The following VPS54 variants were observed in gnomAD, a reference collection of about 807,000 sequenced individuals.
The protein encoded by VPS54 is VPS54 subunit of GARP complex.
Under a neutral mutation model 121.5 loss-of-function variants are expected in VPS54, and 45 were observed. The observed-to-expected ratio is 0.37, with a 90% CI of 0.29 to 0.47. VPS54 has a LOEUF of 0.47. Among genes scored for constraint, VPS54 ranks in the 20% least tolerant of loss-of-function variants. The pLI is 0.99. For synonymous variants in VPS54, 371 were observed against 385.8 expected, an observed-to-expected ratio of 0.96 and a Z score of 0.45; for missense variants, 1,090 against 1,131.4, an observed-to-expected ratio of 0.96 and a Z score of 0.52.
intron 4 of VPS54, among the ~76,000 whole-genome samples, chr2:63,970,055 T>C (rs1676192263): frequency 6.6e-6 from 1 of 151,760 alleles, no homozygotes; most frequent in African/African-American, 2.4e-5. Flanking sequence ...AAAACCAATC[T>C]TTCTGCACTT....
At chr2:63,960,902 T>C (rs1402082496) in intron 7 of VPS54, among the ~76,000 whole-genome samples, 1 of 152,184 alleles carries the variant, frequency 6.6e-6, no homozygotes, top group Non-Finnish European at 1.5e-5. Flanking sequence ...TACAGGTATA[T>C]TTTTGTGGAA....
At chr2:63,987,032 T>C (rs534382992) in intron 1 of VPS54, among the ~76,000 whole-genome samples, 1 of 152,344 alleles carries the variant, frequency 6.6e-6, no homozygotes, top group Admixed American at 6.5e-5. Flanking sequence ...GTCTCCTCAC[T>C]TTGTTGTTTC....
At chr2:63,898,402 G>C (rs757071661) in intron 21 of VPS54, among the ~76,000 whole-genome samples, 1 of 152,146 alleles carries the variant, frequency 6.6e-6, no homozygotes, top group African/African-American at 2.4e-5. Context: ...CGTATTTTAC[G>C]GCTCCCCTTC....
intron 8 of VPS54, among the ~76,000 whole-genome samples, chr2:63,948,099 T>C (rs549516644): frequency 3.3e-5 from 5 of 152,052 alleles, no homozygotes; most frequent in African/African-American, 9.6e-5. Context: ...CTAAAGTGCT[T>C]GGATTATAGG....
rs186558459 is a variant in VPS54 at position 63,904,162 on chromosome 2, G to A, written c.2626-4581C>T. On this transcript the variant is annotated intron_variant, in intron 20 of 22. Coordinates refer to ENST00000272322, the MANE Select transcript of VPS54 (RefSeq NM_016516.3). ...AGCCATAAAAAGGATATCACAGGCCGGACGTGGTGGCTCACGCCTGTAATC... is the reference window on the plus strand; with the variant it reads ...AGCCATAAAAAGGATATCACAGGCCAGACGTGGTGGCTCACGCCTGTAATC... Among the ~76,000 whole-genome samples, 42 of 152,210 alleles carry A rather than the reference G, an allele frequency of 2.8e-4. No homozygotes were observed. In the East Asian group the frequency reaches 3.7e-3, roughly 13 times the overall value.
chr2:63,984,202 G>A (rs1346740375), intron 1 of VPS54, among the ~76,000 whole-genome samples, 183 bp from the exon 2 acceptor site: 1 of 152,092 alleles, frequency 6.6e-6, no homozygotes, highest in Non-Finnish European at 1.5e-5. Flanking sequence ...ATAGTTATTT[G>A]TCCCCATTTT....
intron 3 of VPS54, 42 bp downstream of exon 3, chr2:63,981,604 T>C (rs775070965): frequency 3.3e-6 from 5 of 1,511,854 alleles, no homozygotes; most frequent in Non-Finnish European, 3.5e-6. Flanking sequence ...AATATTTCTA[T>C]TACTTTTGAC....
At chr2:63,931,134 T>C (rs1674177811) in intron 12 of VPS54, among the ~76,000 whole-genome samples, 1 of 152,136 alleles carries the variant, frequency 6.6e-6, no homozygotes, top group African/African-American at 2.4e-5. Context: ...AAGCTACCAC[T>C]GACTTTCTTC....
intron 6 of VPS54, among the ~76,000 whole-genome samples, chr2:63,965,188 A>G (rs1382297449): frequency 6.6e-6 from 1 of 152,174 alleles, no homozygotes; most frequent in East Asian, 1.9e-4. Flanking sequence ...AAAATTAGCC[A>G]ATGTGGGGCT....
At chr2:63,996,158 C>T (rs181649410) in intron 1 of VPS54, among the ~76,000 whole-genome samples, 412 of 152,262 alleles carry the variant, frequency 2.7e-3, no homozygotes, top group African/African-American at 3.6e-3. Context: ...GGACCCTGAA[C>T]GGAGGGACCG....
intron 7 of VPS54, among the ~76,000 whole-genome samples, chr2:63,949,374 GAAC>G (rs1384571251): frequency 1.3e-5 from 2 of 152,024 alleles, no homozygotes; most frequent in African/African-American, 4.8e-5. Flanking sequence ...GTTGACCCTT[GAAC>G]AACATGGGGG....
rs1331965766 is a variant in VPS54 at position 63,962,285 on chromosome 2, C to A, written c.783G>T (p.Gln261His). 4 of 1,614,048 alleles carry A rather than the reference C, an allele frequency of 2.5e-6. No homozygotes were observed. The highest frequency in any genetic ancestry group is 3.4e-6 in the Non-Finnish European group (4 of 1,179,942). ...ATCCTTCACACATTACTTTATCAATCTGTGCAATTTTATCTCGAAGCATTT... is the reference window on the plus strand; with the variant it reads ...ATCCTTCACACATTACTTTATCAATATGTGCAATTTTATCTCGAAGCATTT... ...AVKMLRDKIA[Q>H]IDKVMCEGSL... Residue 261 changes from glutamine to histidine, a missense_variant, in exon 7 of 23, where the codon CAG becomes CAT. Coordinates refer to ENST00000272322, the MANE Select transcript of VPS54 (RefSeq NM_016516.3).
chr2:64,003,180 A>C (rs1397918241), intron 1 of VPS54, among the ~76,000 whole-genome samples: 1 of 152,190 alleles, frequency 6.6e-6, no homozygotes, highest in African/African-American at 2.4e-5. Context: ...CGAAAAAACA[A>C]ACAAGCAAAC....
At chr2:63,998,949 C>T (rs917108765) in intron 1 of VPS54, among the ~76,000 whole-genome samples, 1 of 151,802 alleles carries the variant, frequency 6.6e-6, no homozygotes, top group East Asian at 1.9e-4. Flanking sequence ...GAAGTACATA[C>T]CCTTTAGCTT....
At chr2:63,954,500 G>A in intron 7 of VPS54, among the ~76,000 whole-genome samples, 1 of 151,904 alleles carries the variant, frequency 6.6e-6, no homozygotes, top group Non-Finnish European at 1.5e-5. Flanking sequence ...TCCTTCAAAG[G>A]GTGACCAAAT....
intron 12 of VPS54, among the ~76,000 whole-genome samples, chr2:63,932,739 TAAC>T (rs1289836307): frequency 6.6e-6 from 1 of 152,046 alleles, no homozygotes; most frequent in Non-Finnish European, 1.5e-5. Flanking sequence ...TTCTTAACAA[TAAC>T]TAAATCCAAA....
chr2:63,962,647 A>G (rs1250451214), intron 6 of VPS54, among the ~76,000 whole-genome samples: 4 of 152,306 alleles, frequency 2.6e-5, no homozygotes, highest in East Asian at 3.9e-4. Context: ...ATGTAAGACA[A>G]AAGAGTACAA....
intron 16 of VPS54, among the ~76,000 whole-genome samples, chr2:63,915,365 A>G (rs573118658): frequency 6.6e-6 from 1 of 152,240 alleles, no homozygotes; most frequent in African/African-American, 2.4e-5. Flanking sequence ...AGCCTGAAAG[A>G]TATCAGGAAC....
chr2:63,965,132 A>C (rs1343502253), intron 6 of VPS54, among the ~76,000 whole-genome samples: 1 of 152,200 alleles, frequency 6.6e-6, no homozygotes, highest in Non-Finnish European at 1.5e-5. Flanking sequence ...AATGAAAAAC[A>C]GTACCTCGGA....
Sources: allele counts gnomAD v4.1 joint callset (sites outside exome capture counted in the v4.1 genomes callset), GRCh38; gene constraint gnomAD v4.1.1; transcripts MANE v1.5; gene names NCBI Gene and HGNC (gene_info 2026-07-23, HGNC 2026-07-21).